The following AGBL1 variants were observed in gnomAD, a reference collection of about 807,000 sequenced individuals.
The protein encoded by AGBL1 is AGBL carboxypeptidase 1.
AGBL1 carries 130 observed loss-of-function variants against 118.9 expected under a neutral mutation model. That is an observed-to-expected ratio of 1.09 (90% CI 0.95 to 1.26). The LOEUF (loss-of-function observed/expected upper bound fraction) is 1.26. AGBL1 is among the 50% of genes most tolerant of loss of function. AGBL1 has a pLI of 0.00. For missense variants in AGBL1, 1,584 were observed against 1,298.1 expected (o/e 1.22, Z -3.38); for synonymous variants, 555 against 478.9 (o/e 1.16, Z -2.08).
intron 21 of AGBL1, among the ~76,000 whole-genome samples, chr15:86,628,413 G>C (rs535008967): frequency 6.6e-6 from 1 of 152,158 alleles, no homozygotes; most frequent in African/African-American, 2.4e-5. Context: ...CAAGATGAGG[G>C]TCTTACCTAG....
At chr15:86,283,377 G>A (rs2079386240) in intron 16 of AGBL1, among the ~76,000 whole-genome samples, 1 of 152,006 alleles carries the variant, frequency 6.6e-6, no homozygotes, top group East Asian at 1.9e-4. Flanking sequence ...TCCATGTATT[G>A]GGGGAGCTTA....
At chr15:86,889,367 G>A (rs1027258669) in intron 22 of AGBL1, among the ~76,000 whole-genome samples, 2 of 142,816 alleles carry the variant, frequency 1.4e-5, no homozygotes, top group South Asian at 2.4e-4. Flanking sequence ...TGGGTGGGGG[G>A]TATTTGTGTT....
chr15:86,898,647 A>G (rs181979243), intron 22 of AGBL1, among the ~76,000 whole-genome samples: 2 of 152,320 alleles, frequency 1.3e-5, no homozygotes, highest in East Asian at 1.9e-4. Context: ...TGCAAACTAT[A>G]TATTTGACAA....
intron 18 of AGBL1, among the ~76,000 whole-genome samples, chr15:86,514,859 C>G (rs2083099755): frequency 6.6e-6 from 1 of 151,988 alleles, no homozygotes; most frequent in Non-Finnish European, 1.5e-5. Context: ...CTATTTTATC[C>G]CTTAACTGTA....
At chr15:86,588,318 A>G (rs1052255190) in intron 21 of AGBL1, among the ~76,000 whole-genome samples, 80 of 152,196 alleles carry the variant, frequency 5.3e-4, no homozygotes, top group African/African-American at 1.9e-3. Flanking sequence ...AGACCCTCTT[A>G]CACAGTTGAT....
chr15:86,682,323 T>G (rs2085975013), intron 22 of AGBL1, among the ~76,000 whole-genome samples: 1 of 152,124 alleles, frequency 6.6e-6, no homozygotes, highest in Non-Finnish European at 1.5e-5. Context: ...GGGAAAACAA[T>G]AGCAAAAAAC....
At chr15:86,632,158 C>G (rs1317621164) in intron 21 of AGBL1, among the ~76,000 whole-genome samples, 1 of 150,828 alleles carries the variant, frequency 6.6e-6, no homozygotes, top group Non-Finnish European at 1.5e-5. Flanking sequence ...GTCCCAGCTA[C>G]TTGGAAGGCT....
intron 17 of AGBL1, among the ~76,000 whole-genome samples, chr15:86,393,755 G>C (rs1202245579): frequency 1.3e-5 from 2 of 152,088 alleles, no homozygotes; most frequent in African/African-American, 4.8e-5. Context: ...ATCTGCTATG[G>C]ACTGAATATG....
chr15:86,196,802 TAAG>T (rs2077810688), intron 5 of AGBL1, among the ~76,000 whole-genome samples: 1 of 151,764 alleles, frequency 6.6e-6, no homozygotes, highest in Non-Finnish European at 1.5e-5. Context: ...GGTGGTCTTA[TAAG>T]AAGAGAAAGA....
At chr15:86,811,923 G>C (rs548956046) in intron 22 of AGBL1, among the ~76,000 whole-genome samples, 91 of 152,276 alleles carry the variant, frequency 6.0e-4, no homozygotes, top group African/African-American at 2.2e-3. Flanking sequence ...CATTTTCAAA[G>C]TGCATTCTAA....
At chr15:86,773,113 A>G (rs758411867) in intron 22 of AGBL1, among the ~76,000 whole-genome samples, 11 of 152,030 alleles carry the variant, frequency 7.2e-5, no homozygotes, top group African/African-American at 2.7e-4. Context: ...TCCATGGTTC[A>G]GTTCTGTTCA....
intron 19 of AGBL1, among the ~76,000 whole-genome samples, chr15:86,526,445 G>A (rs929329675): frequency 6.6e-6 from 1 of 150,716 alleles, no homozygotes; most frequent in Non-Finnish European, 1.5e-5. Context: ...ATTCATAATT[G>A]CCCAAAGATA....
chr15:86,986,953 G>A (rs1189520643), intron 23 of AGBL1, among the ~76,000 whole-genome samples: 1 of 151,908 alleles, frequency 6.6e-6, no homozygotes, highest in Non-Finnish European at 1.5e-5. Context: ...GTAGGTAAAG[G>A]AAAATTACAG....
At chr15:86,109,688 A>C (rs1291663795) in intron 1 of AGBL1, 1 of 152,222 alleles carries the variant, frequency 6.6e-6, no homozygotes, top group Non-Finnish European at 1.5e-5. Flanking sequence ...AACTTCTTTT[A>C]AGAACTGTGA....
chr15:86,240,812 C>T (rs1245648468), intron 6 of AGBL1, among the ~76,000 whole-genome samples: 2 of 152,108 alleles, frequency 1.3e-5, no homozygotes, highest in Non-Finnish European at 2.9e-5. Flanking sequence ...CTCTGTATAG[C>T]TGGAGGTAAT....
At chr15:86,959,592 A>G (rs1392552851) in intron 23 of AGBL1, among the ~76,000 whole-genome samples, 5 of 152,116 alleles carry the variant, frequency 3.3e-5, no homozygotes, top group Non-Finnish European at 7.4e-5. Flanking sequence ...ATTTGTCAGG[A>G]GAGATGAATT....
intron 20 of AGBL1, among the ~76,000 whole-genome samples, chr15:86,551,468 C>T (rs950659885): frequency 4.6e-5 from 7 of 152,104 alleles, no homozygotes; most frequent in African/African-American, 7.2e-5. Flanking sequence ...CAAGTGAATA[C>T]ATTCTTAGGA....
At chr15:86,956,317 G>T (rs974626334) in intron 23 of AGBL1, among the ~76,000 whole-genome samples, 12 of 147,020 alleles carry the variant, frequency 8.2e-5, no homozygotes, top group African/African-American at 3.3e-4. Context: ...ATAGGTAGAT[G>T]ATAGATAGAT....
intron 22 of AGBL1, 107 bp from the exon 23 acceptor site, chr15:86,906,980 C>T (rs1453672330): frequency 6.6e-6 from 1 of 152,254 alleles, no homozygotes; most frequent in East Asian, 1.9e-4. Flanking sequence ...ATTTCTCTCT[C>T]CTCTTCCCCA....
Sources: allele counts gnomAD v4.1 joint callset (sites outside exome capture counted in the v4.1 genomes callset), GRCh38; gene constraint gnomAD v4.1.1; transcripts MANE v1.5; gene names NCBI Gene and HGNC (gene_info 2026-07-23, HGNC 2026-07-21).